COL13A1: variants seen among roughly 807,000 people sequenced by gnomAD.
The protein encoded by COL13A1 is collagen alpha-1(XIII) chain.
Under a neutral mutation model 130.9 loss-of-function variants are expected in COL13A1, and 89 were observed. That is an observed-to-expected ratio of 0.68 (90% CI 0.57 to 0.81). COL13A1 has a LOEUF of 0.81. Ranked by LOEUF, COL13A1 falls within the 30% of genes least tolerant of loss-of-function variation. COL13A1 has a pLI of 0.00. For missense variants in COL13A1, 879 were observed against 934.6 expected (o/e 0.94, Z 0.78); for synonymous variants, 402 against 341.6 (o/e 1.18, Z -1.95).
At chr10:69,946,508 G>A (rs2136197920) in intron 37 of COL13A1, among the ~76,000 whole-genome samples, 1 of 152,312 alleles carries the variant, frequency 6.6e-6, no homozygotes, top group South Asian at 2.1e-4. Flanking sequence ...CCATCCACTG[G>A]AGGCTGTGTG....
At chr10:69,879,785 C>A (rs1270893793) in intron 6 of COL13A1, among the ~76,000 whole-genome samples, 2 of 152,160 alleles carry the variant, frequency 1.3e-5, no homozygotes, top group African/African-American at 4.8e-5. Context: ...CTTGACAGCA[C>A]TTTGAGCTCA....
In COL13A1 at chr10:69,944,131, C is replaced by T. The variant is rs199809931; in HGVS notation, c.1921C>T (p.Pro641Ser). 411 of 1,613,654 alleles carry T rather than the reference C, an allele frequency of 2.5e-4. No individual in the cohort carries two copies. Among genetic ancestry groups the T allele is most frequent in the Non-Finnish European group, 3.1e-5 (36 of 1,179,758 alleles). Residue 641 changes from proline to serine, a missense_variant, in exon 36 of 41, where the codon CCA becomes TCA. Pro to Ser is a moderately conservative substitution (Grantham distance 74). Coordinates refer to ENST00000645393, the MANE Select transcript of COL13A1 (RefSeq NM_001368882.1). ...CTTTCTTTCCCCTTCCCAGGGTACT[C>T]CAGGACCAATTGGAGTTCCAGGCCC... is the stretch of plus-strand genomic sequence containing the variant. ...LDGRPGPPGT[P>S]GPIGVPGPAG...
chr10:69,867,355 G>A (rs988318574), intron 2 of COL13A1, among the ~76,000 whole-genome samples: 5 of 152,240 alleles, frequency 3.3e-5, no homozygotes, highest in Admixed American at 6.5e-5. Context: ...CTGCCTGCTG[G>A]CCCTCCCTGA....
At chr10:69,945,811 A>C (rs139722761) in intron 37 of COL13A1, 87 bp downstream of exon 37, 34 of 1,514,396 alleles carry the variant, frequency 2.2e-5, no homozygotes, top group Non-Finnish European at 3.0e-5. Flanking sequence ...GGTGGCTCAC[A>C]CCTGTAATCC....
intron 31 of COL13A1, 57 bp from the exon 32 acceptor site, chr10:69,935,293 G>A: frequency 6.8e-7 from 1 of 1,472,348 alleles, no homozygotes; most frequent in African/African-American, 1.4e-5. Context: ...TGGGCTCTAG[G>A]CCCTATCAGG....
intron 17 of COL13A1, among the ~76,000 whole-genome samples, chr10:69,913,043 C>T (rs1430011471): frequency 6.6e-6 from 1 of 152,202 alleles, no homozygotes; most frequent in Non-Finnish European, 1.5e-5. Flanking sequence ...ATGGGACAGG[C>T]CTTCAAGGTC....
intron 15 of COL13A1, among the ~76,000 whole-genome samples, chr10:69,904,420 G>C (rs534224133): frequency 3.9e-5 from 6 of 152,176 alleles, no homozygotes; most frequent in African/African-American, 1.4e-4. Flanking sequence ...CCAAGGCTGC[G>C]GTGGAGCCAG....
rs139290332 is a variant in COL13A1 at position 69,942,617 on chromosome 10, T to C, written c.1915-1508T>C. On this transcript the variant is annotated intron_variant, in intron 35 of 40. Transcript: ENST00000645393. ...AAAAAAAATAAGCCTTCCCTGCCAATATTAACATTTATTGAGCACTTCCTA... is the reference window on the plus strand; with the variant it reads ...AAAAAAAATAAGCCTTCCCTGCCAACATTAACATTTATTGAGCACTTCCTA... Among the ~76,000 whole-genome samples, 593 of 152,324 alleles carry C rather than the reference T, an allele frequency of 3.9e-3. 1 individual carries two copies. Among genetic ancestry groups the C allele is most frequent in the Middle Eastern group, 0.014 (4 of 294 alleles).
At chr10:69,860,436 A>C (rs1857676465) in intron 2 of COL13A1, among the ~76,000 whole-genome samples, 1 of 152,208 alleles carries the variant, frequency 6.6e-6, no homozygotes, top group African/African-American at 2.4e-5. Context: ...CCGTGCTTCC[A>C]AGCACCTGCC....
chr10:69,919,324 A>G (rs2064328778), intron 20 of COL13A1, among the ~76,000 whole-genome samples: 1 of 152,178 alleles, frequency 6.6e-6, no homozygotes, highest in Non-Finnish European at 1.5e-5. Context: ...CCCTGCACCC[A>G]CAGGGTTCTC....
chr10:69,917,149 A>T, intron 17 of COL13A1, 140 bp from the exon 18 acceptor site: 1 of 986,074 alleles, frequency 1.0e-6, no homozygotes, highest in Non-Finnish European at 1.5e-6. Context: ...CACAGCTGCC[A>T]CCAGGGCAGG....
chr10:69,842,050 T>C lies in COL13A1; in HGVS notation c.364+19612T>C, dbSNP rs60679676. Reference sequence around the variant, plus strand: ...TATTATGAAAGCTCAGACTAGCTGATATGGTTTCACTGTGTCCCCACTCAA... The same window carrying C: ...TATTATGAAAGCTCAGACTAGCTGACATGGTTTCACTGTGTCCCCACTCAA... On this transcript the variant is annotated intron_variant, in intron 2 of 40. Coordinates refer to ENST00000645393, the MANE Select transcript of COL13A1 (RefSeq NM_001368882.1). Among the ~76,000 whole-genome samples, 753 of 152,322 alleles carry C rather than the reference T, an allele frequency of 4.9e-3. 6 individuals are homozygous for C. The highest frequency in any genetic ancestry group is 0.017 in the African/African-American group (722 of 41,558).
intron 17 of COL13A1, among the ~76,000 whole-genome samples, chr10:69,913,847 C>T (rs755856246): frequency 7.2e-6 from 1 of 138,464 alleles, no homozygotes; most frequent in African/African-American, 2.6e-5. Context: ...GGCGCCCCTG[C>T]TTCCTGCCAA....
chr10:69,835,434 G>T (rs531104839), intron 2 of COL13A1, among the ~76,000 whole-genome samples: 57 of 152,102 alleles, frequency 3.7e-4, no homozygotes, highest in African/African-American at 1.3e-3. Flanking sequence ...CCCCACTCTT[G>T]TCATAACCCA....
At chr10:69,871,567 C>G (rs970033250) in intron 3 of COL13A1, among the ~76,000 whole-genome samples, 4 of 152,210 alleles carry the variant, frequency 2.6e-5, no homozygotes, top group African/African-American at 7.2e-5. Context: ...TGACTTACTC[C>G]TGGTGCTGCC....
At chr10:69,924,829 G>A (rs2065140054) in intron 24 of COL13A1, 134 bp from the exon 25 acceptor site, 2 of 798,816 alleles carry the variant, frequency 2.5e-6, no homozygotes, top group African/African-American at 3.6e-5. Flanking sequence ...GTTTCCTGAA[G>A]GGGTGGAACC....
At chr10:69,841,873 G>C (rs1851695349) in intron 2 of COL13A1, among the ~76,000 whole-genome samples, 1 of 152,194 alleles carries the variant, frequency 6.6e-6, no homozygotes, top group Admixed American at 6.5e-5. Flanking sequence ...TGTGGCCTGG[G>C]CAGGGAGCTT....
At chr10:69,864,691 C>T (rs751073717) in intron 2 of COL13A1, among the ~76,000 whole-genome samples, 3 of 152,224 alleles carry the variant, frequency 2.0e-5, no homozygotes, top group Non-Finnish European at 2.9e-5. Flanking sequence ...AATGCTACCC[C>T]AGAATTCTTC....
chr10:69,862,289 C>T (rs1858363622), intron 2 of COL13A1, among the ~76,000 whole-genome samples: 1 of 152,178 alleles, frequency 6.6e-6, no homozygotes. Flanking sequence ...GTTTTCTCAT[C>T]TATAAAATGG....
Sources: gnomAD v4.1 joint callset for allele counts (sites outside exome capture counted in the v4.1 genomes callset) on GRCh38, gnomAD v4.1.1 for gene constraint, MANE v1.5 for transcripts, NCBI Gene and HGNC (gene_info 2026-07-23, HGNC 2026-07-21) for gene names.